The following PADI4 variants were observed in gnomAD, a reference collection of about 807,000 sequenced individuals.
PADI4 encodes the protein peptidyl arginine deiminase 4.
In PADI4, 62 loss-of-function variants were observed where a neutral mutation model predicts 75.0. That is an observed-to-expected ratio of 0.83 (90% CI 0.67 to 1.02). PADI4 has a LOEUF of 1.02. Ranked by LOEUF, PADI4 falls within the 50% of genes least tolerant of loss-of-function variation. The probability of loss-of-function intolerance (pLI) is 0.00; values close to 1 mark genes in which losing one functional copy is unlikely to be tolerated. For synonymous variants in PADI4, 361 were observed against 348.1 expected (o/e 1.04, Z -0.41); for missense variants, 845 against 850.5 (o/e 0.99, Z 0.08).
At chr1:17,323,938 C>T (rs1308236162) in intron 1 of PADI4, among the ~76,000 whole-genome samples, 1 of 152,090 alleles carries the variant, frequency 6.6e-6, no homozygotes, top group Non-Finnish European at 1.5e-5. Flanking sequence ...TTCTGCCTCT[C>T]TAGGGATTGT....
Position 17,351,921 on chromosome 1 carries a change from T to TAGGAGAGGCGGTCAGGGAGGTGATGGG in PADI4, c.1156-2608_1156-2582dup, listed in dbSNP as rs2074634705. ...CAGTCAGGGAGCTGATGGGAGGCAG[T>TAGGAGAGGCGGTCAGGGAGGTGATGGG]AGGAGAGGCGGTCAGGGAGGTGATG... On this transcript the variant is annotated intron_variant, in intron 10 of 15. Coordinates refer to ENST00000375448, the MANE Select transcript of PADI4 (RefSeq NM_012387.3). 2.9e-5 allele frequency among the ~76,000 whole-genome samples: 4 copies of TAGGAGAGGCGGTCAGGGAGGTGATGGG among 138,380 alleles called. No individual in the cohort carries two copies. The South Asian group carries it at 9.7e-4, about 33-fold the overall frequency. The allele number at this position is 138,380 out of a possible 152,430, so 90.8% of individuals were successfully genotyped here.
At chr1:17,309,492 T>TTTTGAAATGTTAGCCTGACTGAGCC (rs1156390710) in intron 1 of PADI4, among the ~76,000 whole-genome samples, 14 of 152,298 alleles carry the variant, frequency 9.2e-5, no homozygotes, top group African/African-American at 3.4e-4. Flanking sequence ...GGGCTCAGTC[T>TTTTGAAATGTTAGCCTGACTGAGCC]TTTGAAATGT....
rs2074205278 is a variant in PADI4 at position 17,331,150 on chromosome 1, G to A, written c.273+1G>A. 1 of 1,609,534 alleles carries A rather than the reference G, an allele frequency of 6.2e-7. No homozygotes were observed. The highest frequency in any genetic ancestry group is 8.5e-7 in the Non-Finnish European group (1 of 1,178,016). ...CAGTGGTAGCACAGGCGACCAGAAG[G>A]TGAGTGTCATAGCTGTGGGGTGGCA... On this transcript the variant is annotated splice_donor_variant, in intron 2 of 15. Transcript: ENST00000375448. LOFTEE classifies it high-confidence loss of function.
chr1:17,352,076 A>ACTGT (rs2074658840), intron 10 of PADI4, among the ~76,000 whole-genome samples: 1 of 129,536 alleles, frequency 7.7e-6, no homozygotes, highest in Non-Finnish European at 1.7e-5. Context: ...GTGGGAAGAG[A>ACTGT]GGCAGTCAGG....
At position 17,313,498 on chromosome 1, in the gene PADI4, C is replaced by CAAAAA. The variant is rs71014933; in HGVS notation, c.92+5203_92+5207dup. Among the ~76,000 whole-genome samples the CAAAAA allele has an allele frequency of 2.3e-3, 158 of 68,366 alleles. 9 individuals carry two copies. The highest frequency in any genetic ancestry group is 5.3e-3 in the African/African-American group (82 of 15,440). 44.9% of individuals were successfully genotyped at this position (68,366 alleles called of 152,430 possible). The stretch of plus-strand genomic sequence containing the variant: ...CCTGGGCGACAGTGCAAGACCTTGT[C>CAAAAA]AAAAAAAAAAAAAAAAAAAAAAAGG... On this transcript the variant is annotated intron_variant, in intron 1 of 15. Transcript: ENST00000375448.
intron 10 of PADI4, among the ~76,000 whole-genome samples, chr1:17,350,279 A>G (rs72637425): frequency 0.22 from 27,860 of 128,638 alleles, 8,899 homozygotes; most frequent in Non-Finnish European, 0.33. Context: ...TATCACCACC[A>G]TCAATGGGAA....
At chr1:17,352,035 G>GTA (rs1553149005) in intron 10 of PADI4, among the ~76,000 whole-genome samples, 1 of 81,392 alleles carries the variant, frequency 1.2e-5, no homozygotes, top group Non-Finnish European at 2.6e-5. Context: ...GGAGGTGATG[G>GTA]GAGGAGAGGC....
chr1:17,329,891 A>G (rs2074179817), intron 1 of PADI4, among the ~76,000 whole-genome samples: 1 of 152,108 alleles, frequency 6.6e-6, no homozygotes, highest in South Asian at 2.1e-4. Context: ...ATGTGTGTGT[A>G]TGTTTGTGTG....
chr1:17,363,113 AG>A (rs2074869218), intron 15 of PADI4, among the ~76,000 whole-genome samples: 1 of 148,906 alleles, frequency 6.7e-6, no homozygotes, highest in Non-Finnish European at 1.5e-5. Flanking sequence ...CACCACACCC[AG>A]CAATTTTTAT....
In PADI4 at chr1:17,346,277, G is replaced by A. The variant is rs908649582; in HGVS notation, c.1047+138G>A. The A allele has an allele frequency of 6.6e-6, 4 of 609,454 alleles. No homozygotes were observed. Among genetic ancestry groups the A allele is most frequent in the African/African-American group, 5.6e-5 (3 of 53,388 alleles). The allele number at this position is 609,454 out of a possible 1,614,324, so 37.8% of individuals were successfully genotyped here. ...TGGACAGGGAGATAGGAACCTGAGA[G>A]ATCCTTGGGCCGGGAGGCTCAAGCA... On this transcript the variant is annotated intron_variant, in intron 9 of 15. Transcript: ENST00000375448. This position sits in a 1 kb window ranked among gnomAD's most constrained non-coding sequence, Gnocchi z 4.3.
intron 6 of PADI4, among the ~76,000 whole-genome samples, chr1:17,341,082 C>T (rs1294262867): frequency 6.6e-6 from 1 of 150,732 alleles, no homozygotes; most frequent in African/African-American, 2.4e-5. Flanking sequence ...ATTACAGACA[C>T]CATGCCCAGC....
At chr1:17,351,967 C>CAGT (rs2074640688) in intron 10 of PADI4, among the ~76,000 whole-genome samples, 7 of 48,510 alleles carry the variant, frequency 1.4e-4, no homozygotes, top group Admixed American at 8.2e-4. Flanking sequence ...GGAGAGGCGG[C>CAGT]CAGGGAGGTG....
At chr1:17,319,472 G>A (rs984257018) in intron 1 of PADI4, among the ~76,000 whole-genome samples, 2 of 152,170 alleles carry the variant, frequency 1.3e-5, no homozygotes, top group Non-Finnish European at 2.9e-5. Context: ...AGGAGGCTGA[G>A]GTGGAAGGGT....
intron 1 of PADI4, among the ~76,000 whole-genome samples, chr1:17,312,987 G>A (rs2073865370): frequency 1.3e-5 from 2 of 151,736 alleles, no homozygotes; most frequent in Non-Finnish European, 2.9e-5. Context: ...GTCAAGGGAT[G>A]GAGACCATCC....
In PADI4 at chr1:17,363,745, T is replaced by C. The variant is rs2100268660; in HGVS notation, c.1982T>C (p.Met661Thr). 6.2e-7 allele frequency: 1 copy of C among 1,612,136 alleles called. No individual in the cohort carries two copies. Among genetic ancestry groups the C allele is most frequent in the Non-Finnish European group, 8.5e-7 (1 of 1,178,218 alleles). The change falls in exon 16 of 16, where the codon ATG (methionine) becomes ACG (threonine). Residue 661 changes from methionine (M) to threonine (T), a missense_variant. Met to Thr is a moderately conservative substitution (Grantham distance 81, BLOSUM62 -1). Transcript: ENST00000375448. ...RKPFSFKWWN[M>T]VP ...CCCTTCTCCTTCAAGTGGTGGAACA[T>C]GGTGCCCTGAGCCCATCTTCCCTGG...
chr1:17,355,937 T>C, intron 11 of PADI4, 46 bp from the exon 12 acceptor site: 2 of 1,612,690 alleles, frequency 1.2e-6, no homozygotes, highest in Non-Finnish European at 8.5e-7. Flanking sequence ...GGGACTTCCC[T>C]GTAGCCCTTG....
chr1:17,310,366 G>A (rs575020879), intron 1 of PADI4, among the ~76,000 whole-genome samples: 6 of 152,130 alleles, frequency 3.9e-5, no homozygotes, highest in Admixed American at 3.9e-4. Context: ...AGACCTTCCT[G>A]TCACTTCTTA....
At chr1:17,358,958 G>A (rs761003071) in intron 14 of PADI4, 50 bp downstream of exon 14, 2 of 1,288,508 alleles carry the variant, frequency 1.6e-6, no homozygotes, top group South Asian at 1.3e-5. Flanking sequence ...CCTGTCCCCG[G>A]CTCAGCCACT....
rs534163023 is a variant in PADI4, at chr1:17,339,436, G to A, written c.527-252G>A. On this transcript the variant is annotated intron_variant, in intron 5 of 15. Coordinates refer to ENST00000375448, the MANE Select transcript of PADI4 (RefSeq NM_012387.3). ...CAAAATATTAATAAATGTGGTCCCC[G>A]CTTTGCTGAGGTTACATCCCCAGCT... 1.1e-4 allele frequency among the ~76,000 whole-genome samples: 16 copies of A among 152,250 alleles called. No homozygotes were observed. The South Asian group carries it at 3.1e-3, about 30-fold the overall frequency.
Sources: allele counts gnomAD v4.1 joint callset (sites outside exome capture counted in the v4.1 genomes callset), GRCh38; gene constraint gnomAD v4.1.1; non-coding constraint Gnocchi (gnomAD v3.1); transcripts MANE v1.5; gene names NCBI Gene and HGNC (gene_info 2026-07-23, HGNC 2026-07-21).